NPAS3: variants seen among roughly 807,000 people sequenced by gnomAD.
NPAS3 encodes neuronal PAS domain-containing protein 3.
NPAS3 carries 14 observed loss-of-function variants against 73.1 expected under a neutral mutation model. The ratio of observed to expected loss-of-function variants is 0.19; its 90% CI spans 0.13 to 0.30. The LOEUF (loss-of-function observed/expected upper bound fraction) is 0.30, where lower values mean the gene tolerates loss of function less well. Among genes scored for constraint, NPAS3 ranks in the 10% least tolerant of loss-of-function variants. The pLI is 1.00. For missense variants in NPAS3, 1,096 were observed against 1,250.0 expected, an observed-to-expected ratio of 0.88 and a Z score of 1.86; for synonymous variants, 620 against 541.5, an observed-to-expected ratio of 1.14 and a Z score of -2.01.
intron 1 of NPAS3, among the ~76,000 whole-genome samples, chr14:33,009,123 A>G (rs1036462526): frequency 6.6e-6 from 1 of 152,202 alleles, no homozygotes; most frequent in Non-Finnish European, 1.5e-5. Flanking sequence ...TCAATCTAGC[A>G]AGTATTTCTT....
intron 4 of NPAS3, among the ~76,000 whole-genome samples, chr14:33,447,589 G>C (rs1301896373): frequency 3.3e-5 from 5 of 152,166 alleles, no homozygotes. Flanking sequence ...AGAAAATAGT[G>C]AGGGCCTAAA....
In NPAS3 at chr14:33,459,139, T is replaced by G. The variant is rs532529221; in HGVS notation, c.468+91871T>G. Among the ~76,000 whole-genome samples, 44 of 152,302 alleles carry G rather than the reference T, an allele frequency of 2.9e-4. 1 individual carries two copies. The South Asian group carries it at 8.9e-3, about 31-fold the overall frequency. On this transcript the variant is annotated intron_variant, in intron 4 of 11. Coordinates refer to ENST00000356141, the Ensembl canonical transcript of NPAS3. Reference sequence around the variant, plus strand: ...CATGACACTGATGGGAGTGTAGCAGTGAGGACGACCAGAGGTCACTCTTGT... The same window carrying G: ...CATGACACTGATGGGAGTGTAGCAGGGAGGACGACCAGAGGTCACTCTTGT...
At chr14:33,209,467 G>A (rs1304852840) in intron 2 of NPAS3, among the ~76,000 whole-genome samples, 3 of 152,110 alleles carry the variant, frequency 2.0e-5, no homozygotes, top group Admixed American at 6.6e-5. Context: ...GTTAGGGCAA[G>A]TGTAGGTACT....
chr14:33,504,067 T>C lies in NPAS3; in HGVS notation c.469-56054T>C, dbSNP rs556751402. On this transcript the variant is annotated intron_variant, in intron 4 of 11. Transcript: ENST00000356141. ...TTACTGACACCCACCGCACATAGGG[T>C]GTTGGCCATTGCTTCCAGAATTTTC... Among the ~76,000 whole-genome samples the C allele has an allele frequency of 5.3e-5, 8 of 152,028 alleles. No homozygotes were observed. The East Asian group carries it at 1.4e-3, about 26-fold the overall frequency.
intron 6 of NPAS3, among the ~76,000 whole-genome samples, chr14:33,725,821 A>C (rs1285333116): frequency 1.3e-5 from 2 of 152,190 alleles, no homozygotes; most frequent in African/African-American, 4.8e-5. Flanking sequence ...TTCCCTACAC[A>C]GGCTGTTTCA....
intron 4 of NPAS3, among the ~76,000 whole-genome samples, chr14:33,530,015 C>T (rs986647379): frequency 2.0e-5 from 3 of 152,104 alleles, no homozygotes; most frequent in African/African-American, 7.2e-5. Flanking sequence ...ACAGATGTCT[C>T]GAATGTCTTC....
At chr14:33,209,073 A>C (rs575330417) in intron 2 of NPAS3, among the ~76,000 whole-genome samples, 1 of 152,348 alleles carries the variant, frequency 6.6e-6, no homozygotes, top group South Asian at 2.1e-4. Context: ...TGAAGGTTCC[A>C]GTTTTAACTT....
Position 33,589,701 on chromosome 14 carries a change from CTT to C in NPAS3, c.558+29493_558+29494del, listed in dbSNP as rs75975610. ...CTTGAAAAAAAGATATAAAGTATGTCTTTGATAAATTTTAGGACATTGACTTC... is the reference window on the plus strand; with the variant it reads ...CTTGAAAAAAAGATATAAAGTATGTCTGATAAATTTTAGGACATTGACTTC... On this transcript the variant is annotated intron_variant, in intron 5 of 11. Coordinates refer to ENST00000356141, the Ensembl canonical transcript of NPAS3. 0.015 allele frequency among the ~76,000 whole-genome samples: 2,305 copies of C among 152,146 alleles called. 113 individuals carry two copies. The East Asian group carries it at 0.19, about 13-fold the overall frequency.
chr14:32,953,069 T>G (rs768860042), intron 1 of NPAS3, among the ~76,000 whole-genome samples: 8 of 142,664 alleles, frequency 5.6e-5, no homozygotes, highest in Non-Finnish European at 1.1e-4. Context: ...AGACCCTGTC[T>G]CAAAACAAAT....
chr14:33,413,141 A>G (rs1396120370), intron 4 of NPAS3, among the ~76,000 whole-genome samples: 2 of 152,160 alleles, frequency 1.3e-5, no homozygotes, highest in Non-Finnish European at 2.9e-5. Flanking sequence ...AGCCTAAATC[A>G]CAACAACAAT....
At chr14:33,561,173 C>G (rs1477015109) in intron 5 of NPAS3, among the ~76,000 whole-genome samples, 19 of 152,196 alleles carry the variant, frequency 1.2e-4, no homozygotes, top group Admixed American at 1.0e-3. Context: ...AGATTTGTCT[C>G]TCTCCTTTAA....
rs958747849 is a variant in NPAS3, at chr14:33,434,543, A to G, written c.468+67275A>G. On this transcript the variant is annotated intron_variant, in intron 4 of 11. Coordinates refer to ENST00000356141, the Ensembl canonical transcript of NPAS3. ...CCATCTCAAAAAAAAAAAAATCCAT[A>G]GTTAACAATGAAATAGAATGACAAA... Among the ~76,000 whole-genome samples the G allele has an allele frequency of 3.9e-5, 6 of 152,116 alleles. No individual in the cohort carries two copies. The East Asian group carries it at 1.2e-3, about 29-fold the overall frequency.
chr14:33,368,506 T>TA (rs1566838566), intron 4 of NPAS3, among the ~76,000 whole-genome samples: 1 of 152,144 alleles, frequency 6.6e-6, no homozygotes, highest in African/African-American at 2.4e-5. Context: ...TCTCCTGAGA[T>TA]AATTTGGATG....
intron 3 of NPAS3, among the ~76,000 whole-genome samples, chr14:33,259,916 G>A (rs1235083579): frequency 1.3e-5 from 2 of 150,516 alleles, no homozygotes; most frequent in South Asian, 2.1e-4. Flanking sequence ...GAATCTGATT[G>A]ACTCACTCAG....
chr14:33,102,826 T>C (rs2042615724), intron 2 of NPAS3, among the ~76,000 whole-genome samples: 1 of 152,146 alleles, frequency 6.6e-6, no homozygotes, highest in Non-Finnish European at 1.5e-5. Flanking sequence ...ACAGAGAAAA[T>C]TACCTTAATT....
At chr14:33,464,042 G>A (rs1290453665) in intron 4 of NPAS3, among the ~76,000 whole-genome samples, 1 of 152,172 alleles carries the variant, frequency 6.6e-6, no homozygotes, top group African/African-American at 2.4e-5. Context: ...TGGAATCAGA[G>A]CCCATCAAAA....
At chr14:33,557,127 T>C (rs549736742) in intron 4 of NPAS3, among the ~76,000 whole-genome samples, 1 of 152,244 alleles carries the variant, frequency 6.6e-6, no homozygotes, top group South Asian at 2.1e-4. Context: ...CCCAAACTTG[T>C]AGGAAGGAAA....
intron 4 of NPAS3, among the ~76,000 whole-genome samples, chr14:33,440,757 G>A (rs1398458488): frequency 6.6e-6 from 1 of 152,078 alleles, no homozygotes; most frequent in African/African-American, 2.4e-5. Flanking sequence ...TCTGGGTGTG[G>A]TGGAAGACGC....
chr14:32,989,871 A>T (rs574133426), intron 1 of NPAS3, among the ~76,000 whole-genome samples: 2 of 152,278 alleles, frequency 1.3e-5, no homozygotes, highest in South Asian at 4.1e-4. Context: ...AGATTCACGG[A>T]AGGAGATATC....
Sources: gnomAD v4.1 joint callset for allele counts (sites outside exome capture counted in the v4.1 genomes callset) on GRCh38, gnomAD v4.1.1 for gene constraint, MANE v1.5 for transcripts, NCBI Gene and HGNC (gene_info 2026-07-23, HGNC 2026-07-21) for gene names.